Variants in MED13 observed in about 807,000 individuals in gnomAD.
MED13 encodes the protein mediator of RNA polymerase II transcription subunit 13.
In MED13, 23 loss-of-function variants were observed where a neutral mutation model predicts 225.2. That is an observed-to-expected ratio of 0.10 (90% CI 0.07 to 0.14). The LOEUF is 0.14. MED13 is among the 10% of genes least tolerant of loss of function. MED13 has a pLI of 1.00. For synonymous variants in MED13, 942 were observed against 889.2 expected (o/e 1.06, Z -1.06); for missense variants, 2,197 against 2,594.5 (o/e 0.85, Z 3.33).
chr17:61,992,216 G>A (rs2080305410), intron 11 of MED13, among the ~76,000 whole-genome samples: 1 of 152,216 alleles, frequency 6.6e-6, no homozygotes, highest in African/African-American at 2.4e-5. Flanking sequence ...GTCAATATGT[G>A]CCTTCATTCT....
chr17:62,064,812 A>G (rs2081068040), intron 1 of MED13, among the ~76,000 whole-genome samples: 1 of 152,184 alleles, frequency 6.6e-6, no homozygotes, highest in Non-Finnish European at 1.5e-5. Flanking sequence ...AGGGCCAATA[A>G]GGAGAAAAGC....
intron 2 of MED13, among the ~76,000 whole-genome samples, chr17:62,053,726 C>T (rs1159521163): frequency 6.6e-6 from 1 of 152,054 alleles, no homozygotes; most frequent in Non-Finnish European, 1.5e-5. Flanking sequence ...AAAAGACAAA[C>T]GTTTCTCAAT....
At chr17:62,063,771 T>C (rs2081060044) in intron 1 of MED13, among the ~76,000 whole-genome samples, 1 of 152,236 alleles carries the variant, frequency 6.6e-6, no homozygotes, top group African/African-American at 2.4e-5. Flanking sequence ...ATGTTAATTC[T>C]TCACACACAC....
intron 3 of MED13, among the ~76,000 whole-genome samples, chr17:62,035,943 ATTTT>A (rs796867327): frequency 3.2e-4 from 48 of 149,956 alleles, no homozygotes; most frequent in African/African-American, 1.1e-3. Context: ...AGTAGGGTCA[ATTTT>A]TTTTTTCTTT....
chr17:62,044,394 A>G (rs1464881730), intron 3 of MED13, among the ~76,000 whole-genome samples: 7 of 152,202 alleles, frequency 4.6e-5, no homozygotes, highest in Admixed American at 2.0e-4. Context: ...GCCATTAACA[A>G]CAGCCATCCT....
chr17:61,983,788 G>A (rs556057905), intron 15 of MED13, among the ~76,000 whole-genome samples: 6 of 150,704 alleles, frequency 4.0e-5, no homozygotes, highest in African/African-American at 9.7e-5. Flanking sequence ...GAGTGCACTG[G>A]TGCGATCTCG....
intron 10 of MED13, 118 bp from the exon 11 acceptor site, chr17:61,992,739 T>G: frequency 3.7e-6 from 2 of 546,144 alleles, no homozygotes; most frequent in Non-Finnish European, 3.1e-6. Flanking sequence ...ACATTATCAC[T>G]GATTCTTACA....
chr17:61,975,831 C>G (rs892210856), intron 16 of MED13, among the ~76,000 whole-genome samples: 1 of 152,118 alleles, frequency 6.6e-6, no homozygotes, highest in African/African-American at 2.4e-5. Flanking sequence ...GCCTGGCCAA[C>G]ATGGTGAAAC....
chr17:62,054,879 A>G (rs866141133), intron 2 of MED13, among the ~76,000 whole-genome samples: 9 of 152,208 alleles, frequency 5.9e-5, no homozygotes, highest in African/African-American at 1.4e-4. Context: ...CTTGTTCTAC[A>G]TAAGAAACCA....
At chr17:61,974,216 A>T (rs1042739108) in intron 16 of MED13, among the ~76,000 whole-genome samples, 3 of 152,200 alleles carry the variant, frequency 2.0e-5, no homozygotes, top group Admixed American at 1.3e-4. Flanking sequence ...GGTCACAGGC[A>T]GCCTGCGCAA....
At chr17:61,953,878 CAT>C (rs1185116041) in intron 26 of MED13, among the ~76,000 whole-genome samples, 1 of 152,214 alleles carries the variant, frequency 6.6e-6, no homozygotes, top group African/African-American at 2.4e-5. Flanking sequence ...CCCATACCCA[CAT>C]AGATTCCTGA....
Position 62,033,920 on chromosome 17 carries a change from T to C in MED13, c.681A>G (p.Ser227=). 6.2e-7 allele frequency: 1 copy of C among 1,614,126 alleles called. No homozygotes were observed. The highest frequency in any genetic ancestry group is 8.5e-7 in the Non-Finnish European group (1 of 1,180,016). Residue 227 remains serine (S), a synonymous_variant, in exon 5 of 30, where the codon TCA becomes TCG. Transcript: ENST00000397786. ...ATTCACCAATTAATTTTTTTGTAGCTGAATCAGACATCTTGAATGCCTGTC... is the reference window on the plus strand; with the variant it reads ...ATTCACCAATTAATTTTTTTGTAGCCGAATCAGACATCTTGAATGCCTGTC... The part of the protein sequence containing the change: ...LTGQAFKMSD[S]ATKKLIGEWK...
chr17:62,015,805 T>TCTATATATATACATACACA (rs2080558727), intron 8 of MED13, among the ~76,000 whole-genome samples: 1 of 128,936 alleles, frequency 7.8e-6, no homozygotes, highest in Non-Finnish European at 1.6e-5. Flanking sequence ...ACTATATATA[T>TCTATATATATACATACACA]CTATATATAT....
At chr17:62,003,097 A>T (rs1230225797) in intron 9 of MED13, among the ~76,000 whole-genome samples, 1 of 152,188 alleles carries the variant, frequency 6.6e-6, no homozygotes, top group African/African-American at 2.4e-5. Context: ...CCCAGTTGAG[A>T]AATACTACAC....
chr17:62,064,660 T>C (rs998385968), intron 1 of MED13, among the ~76,000 whole-genome samples: 2 of 152,010 alleles, frequency 1.3e-5, no homozygotes, highest in African/African-American at 2.4e-5. Context: ...GTTTGACTCA[T>C]ACAAAAAAAA....
At chr17:62,027,939 G>A (rs1286442424) in intron 8 of MED13, among the ~76,000 whole-genome samples, 1 of 152,130 alleles carries the variant, frequency 6.6e-6, no homozygotes, top group Non-Finnish European at 1.5e-5. Flanking sequence ...GGTTGAGAAG[G>A]AAACATTTAT....
intron 2 of MED13, among the ~76,000 whole-genome samples, chr17:62,053,202 A>G (rs1437858634): frequency 6.6e-6 from 1 of 152,218 alleles, no homozygotes; most frequent in Non-Finnish European, 1.5e-5. Context: ...CTAAGTGATG[A>G]ATAAAAAGGA....
At chr17:61,962,716 T>C in intron 21 of MED13, 36 bp downstream of exon 21, 2 of 1,573,890 alleles carry the variant, frequency 1.3e-6, no homozygotes, top group Non-Finnish European at 8.7e-7. Context: ...TAAACTGTTT[T>C]ACATAATTTT....
chr17:62,035,107 C>T (rs551871569), intron 4 of MED13, among the ~76,000 whole-genome samples: 8 of 151,984 alleles, frequency 5.3e-5, no homozygotes, highest in African/African-American at 1.9e-4. Context: ...GGCGACAGAG[C>T]GAAACTCCGT....
Sources: gnomAD v4.1 joint callset for allele counts (sites outside exome capture counted in the v4.1 genomes callset) on GRCh38, gnomAD v4.1.1 for gene constraint, MANE v1.5 for transcripts, NCBI Gene and HGNC (gene_info 2026-07-23, HGNC 2026-07-21) for gene names.